The following CFAP77 variants were observed in gnomAD, a reference collection of about 807,000 sequenced individuals.
The protein encoded by CFAP77 is cilia- and flagella-associated protein 77.
CFAP77 carries 25 observed loss-of-function variants against 31.1 expected under a neutral mutation model. The ratio of observed to expected loss-of-function variants is 0.80; its 90% CI spans 0.59 to 1.12. CFAP77 has a LOEUF of 1.12. CFAP77 is among the 50% of genes most tolerant of loss of function. CFAP77 has a pLI of 0.00. For missense variants in CFAP77, 377 were observed against 397.3 expected (o/e 0.95, Z 0.44); for synonymous variants, 151 against 159.9 (o/e 0.94, Z 0.42).
At chr9:132,417,922 A>AC (rs1850134006) in intron 1 of CFAP77, among the ~76,000 whole-genome samples, 2 of 152,070 alleles carry the variant, frequency 1.3e-5, no homozygotes, top group South Asian at 4.2e-4. Context: ...ACTGTCACCC[A>AC]CCTCATCTCT....
At position 132,495,565 on chromosome 9, in the gene CFAP77, C is replaced by T. The variant is rs1450809216; in HGVS notation, c.196-3130C>T. 6.6e-6 allele frequency among the ~76,000 whole-genome samples: 1 copy of T among 152,118 alleles called. No homozygotes were observed. The highest frequency in any genetic ancestry group is 1.5e-5 in the Non-Finnish European group (1 of 68,028). ...ATGCACCCGCCTGAAACTCAGAGCC[C>T]CATCACTCTTGAGGAACATTGGGGT... is the stretch of plus-strand genomic sequence containing the variant. On this transcript the variant is annotated intron_variant, in intron 1 of 5. Transcript: ENST00000393216. The surrounding 1 kb of genome is among the most constrained non-coding windows in gnomAD (Gnocchi z 4.2).
intron 5 of CFAP77, among the ~76,000 whole-genome samples, chr9:132,551,468 G>T (rs987331245): frequency 1.3e-5 from 2 of 152,116 alleles, no homozygotes; most frequent in Admixed American, 6.5e-5. Context: ...GCTAATTTTT[G>T]TATTTTTAGT....
chr9:132,540,348 T>G (rs74675369), intron 4 of CFAP77, among the ~76,000 whole-genome samples: 3,228 of 152,066 alleles, frequency 0.021, 124 homozygotes, highest in African/African-American at 0.073. Flanking sequence ...CCAAAACAGC[T>G]CGTGTGGTTT....
intron 1 of CFAP77, among the ~76,000 whole-genome samples, chr9:132,441,659 G>A (rs1484956458): frequency 6.6e-6 from 1 of 152,186 alleles, no homozygotes; most frequent in Non-Finnish European, 1.5e-5. Context: ...CCTCCTCAGG[G>A]TAACAACAAG....
chr9:132,522,042 G>A (rs561794704), intron 3 of CFAP77, among the ~76,000 whole-genome samples: 3 of 152,236 alleles, frequency 2.0e-5, no homozygotes, highest in East Asian at 1.9e-4. Context: ...GATTACAGGC[G>A]TGAGCCACTA....
chr9:132,468,791 GCACA>G lies in CFAP77; in HGVS notation c.196-29888_196-29885del, dbSNP rs35585148. 2.0e-3 allele frequency among the ~76,000 whole-genome samples: 300 copies of G among 148,680 alleles called. 2 individuals carry two copies. Among genetic ancestry groups the G allele is most frequent in the African/African-American group, 6.4e-3 (261 of 40,772 alleles). ...TTTGAAAGAATAAGCACACACACAC[GCACA>G]CACACACACACACACGCACGCACAC... On this transcript the variant is annotated intron_variant, in intron 1 of 5. Coordinates refer to ENST00000393216, the MANE Select transcript of CFAP77 (RefSeq NM_001282957.2).
intron 1 of CFAP77, among the ~76,000 whole-genome samples, chr9:132,448,838 C>T (rs930364008): frequency 6.6e-6 from 1 of 152,146 alleles, no homozygotes. Context: ...CCACCCACCT[C>T]GGCCTCCCAA....
At chr9:132,459,878 GTGTA>G (rs1265884418) in intron 1 of CFAP77, among the ~76,000 whole-genome samples, 3 of 151,776 alleles carry the variant, frequency 2.0e-5, no homozygotes, top group East Asian at 1.9e-4. Context: ...GTATGTGTGA[GTGTA>G]TGTGGGTGTG....
At chr9:132,451,075 A>ACCTGTAATC (rs1299384381) in intron 1 of CFAP77, among the ~76,000 whole-genome samples, 2 of 152,138 alleles carry the variant, frequency 1.3e-5, no homozygotes, top group Non-Finnish European at 2.9e-5. Context: ...GGTGCCTCAC[A>ACCTGTAATC]CCTGTAATCT....
intron 5 of CFAP77, among the ~76,000 whole-genome samples, chr9:132,551,363 A>G (rs2119082626): frequency 6.6e-6 from 1 of 151,844 alleles, no homozygotes; most frequent in South Asian, 2.1e-4. Flanking sequence ...CAGTGGCACA[A>G]TTTTGGCTCA....
intron 1 of CFAP77, among the ~76,000 whole-genome samples, chr9:132,422,295 T>C (rs1850230198): frequency 1.3e-5 from 2 of 152,178 alleles, no homozygotes; most frequent in South Asian, 4.1e-4. Flanking sequence ...AGCTGTGAGC[T>C]ACTGTGCCCA....
intron 1 of CFAP77, among the ~76,000 whole-genome samples, chr9:132,435,882 A>C (rs1054569108): frequency 3.9e-4 from 60 of 152,334 alleles, no homozygotes; most frequent in African/African-American, 1.4e-3. Flanking sequence ...CAGTGAAAGA[A>C]ACACAGGGCT....
intron 3 of CFAP77, among the ~76,000 whole-genome samples, chr9:132,532,167 C>A (rs922160188): frequency 1.3e-5 from 2 of 152,230 alleles, no homozygotes; most frequent in Non-Finnish European, 2.9e-5. Flanking sequence ...AGGACCTCTG[C>A]GCAGGGGCGG....
At chr9:132,438,542 T>TATATA (rs1491134869) in intron 1 of CFAP77, among the ~76,000 whole-genome samples, 104 of 81,936 alleles carry the variant, frequency 1.3e-3, no homozygotes, top group South Asian at 2.6e-3. Flanking sequence ...TATATATATA[T>TATATA]TTTTTTTTTT....
chr9:132,512,757 G>A (rs1852062109), intron 3 of CFAP77, among the ~76,000 whole-genome samples: 2 of 152,144 alleles, frequency 1.3e-5, no homozygotes, highest in African/African-American at 4.8e-5. Flanking sequence ...AACCAGCCTG[G>A]CCAACATGGC....
At chr9:132,494,129 C>G (rs887429756) in intron 1 of CFAP77, among the ~76,000 whole-genome samples, 5 of 152,178 alleles carry the variant, frequency 3.3e-5, no homozygotes, top group Admixed American at 6.5e-5. Context: ...CCAGGATGGT[C>G]TCAAATTCCT....
intron 3 of CFAP77, among the ~76,000 whole-genome samples, chr9:132,535,546 T>A (rs1433671226): frequency 6.6e-6 from 1 of 152,072 alleles, no homozygotes; most frequent in African/African-American, 2.4e-5. Context: ...ACCCTGTCTC[T>A]ACTAAAGATA....
chr9:132,550,121 G>A (rs184834616), intron 5 of CFAP77, among the ~76,000 whole-genome samples: 2 of 152,336 alleles, frequency 1.3e-5, no homozygotes, highest in Admixed American at 1.3e-4. Context: ...GTGAAGGGAT[G>A]ACCGAAGCTG....
At position 132,517,464 on chromosome 9, in the gene CFAP77, G is replaced by A. The variant is rs1589901039; in HGVS notation, c.524+17864G>A. Among the ~76,000 whole-genome samples, 3 of 152,302 alleles carry A rather than the reference G, an allele frequency of 2.0e-5. No homozygotes were observed. The highest frequency in any genetic ancestry group is 2.1e-4 in the South Asian group (1 of 4,828). On this transcript the variant is annotated intron_variant, in intron 3 of 5. Transcript: ENST00000393216. The surrounding 1 kb of genome is among the most constrained non-coding windows in gnomAD (Gnocchi z 4.7). ...AAAAATCGCCTCTGGCTACTAAACC[G>A]AATTAGTAGTCACTGATGACCAATT...
Sources: allele counts gnomAD v4.1 joint callset (sites outside exome capture counted in the v4.1 genomes callset), GRCh38; gene constraint gnomAD v4.1.1; non-coding constraint Gnocchi (gnomAD v3.1); transcripts MANE v1.5; gene names NCBI Gene and HGNC (gene_info 2026-07-23, HGNC 2026-07-21).